EML6: variants seen among roughly 807,000 people sequenced by gnomAD.
EML6 encodes the protein EMAP like 6, also known as echinoderm microtubule-associated protein-like 6.
Under a neutral mutation model 240.1 loss-of-function variants are expected in EML6, and 154 were observed. The observed-to-expected ratio is 0.64, with a 90% confidence interval of 0.56 to 0.73. The LOEUF (loss-of-function observed/expected upper bound fraction) is 0.73. Ranked by LOEUF, EML6 falls within the 30% of genes least tolerant of loss-of-function variation. The pLI, the probability that EML6 is intolerant of heterozygous loss-of-function variation, is 0.00. For synonymous variants in EML6, 1,148 were observed against 899.0 expected, an observed-to-expected ratio of 1.28 and a Z score of -4.95; for missense variants, 2,964 against 2,474.6, an observed-to-expected ratio of 1.20 and a Z score of -4.20.
chr2:54,787,231 G>A lies in EML6; in HGVS notation c.198-26001G>A, dbSNP rs533129785. ...ATGCTCTCATTTTCCCATCAATATC[G>A]TTTCATAGAAATACCTGACAAGGCT... On this transcript the variant is annotated intron_variant, in intron 2 of 41. Transcript: ENST00000356458. Among the ~76,000 whole-genome samples, 7 of 152,110 alleles carry A rather than the reference G, an allele frequency of 4.6e-5. No homozygotes were observed. The East Asian group carries it at 9.7e-4, about 21-fold the overall frequency.
chr2:54,842,954 A>T (rs1422974727), intron 7 of EML6, among the ~76,000 whole-genome samples: 1 of 152,218 alleles, frequency 6.6e-6, no homozygotes, highest in African/African-American at 2.4e-5. Context: ...TTTCATTTGC[A>T]TATTTCTGAG....
In EML6 at chr2:54,916,805, C is replaced by T. The variant is rs1034340773; in HGVS notation, c.3545C>T (p.Thr1182Ile). The T allele has an allele frequency of 3.9e-6, 6 of 1,545,574 alleles. No individual in the cohort carries two copies. Among genetic ancestry groups the T allele is most frequent in the Middle Eastern group, 1.7e-4 (1 of 5,970 alleles). The part of the protein sequence containing the change: ...WDTWTCVLGP[T>I]CEGIWPAHSD... Reference sequence around the variant, plus strand: ...ACATGGACCTGTGTCCTGGGGCCCACCTGTGAGGGAATCTGGCCAGCACAT... The same window carrying T: ...ACATGGACCTGTGTCCTGGGGCCCATCTGTGAGGGAATCTGGCCAGCACAT... The change falls in exon 26 of 42, where the codon ACC becomes ATC. Residue 1182 changes from threonine (T) to isoleucine (I), a missense_variant. Physicochemically the swap from Thr to Ile is moderately conservative, Grantham distance 89. Transcript: ENST00000356458.
At chr2:54,735,775 T>G (rs571904155) in intron 2 of EML6, among the ~76,000 whole-genome samples, 1 of 152,242 alleles carries the variant, frequency 6.6e-6, no homozygotes, top group Non-Finnish European at 1.5e-5. Flanking sequence ...AAGCAACTTT[T>G]GAAAATCTGT....
intron 2 of EML6, among the ~76,000 whole-genome samples, chr2:54,803,199 C>T (rs1335563244): frequency 6.6e-6 from 1 of 152,194 alleles, no homozygotes; most frequent in Non-Finnish European, 1.5e-5. Context: ...TCCGTGTGAG[C>T]TGCCATAGTG....
intron 28 of EML6, among the ~76,000 whole-genome samples, chr2:54,944,629 C>A (rs919863093): frequency 1.3e-5 from 2 of 152,076 alleles, no homozygotes; most frequent in African/African-American, 4.8e-5. Context: ...GACGATATCC[C>A]CATTTTTTAA....
chr2:54,813,534 T>C, intron 3 of EML6, 143 bp downstream of exon 3: 4 of 752,672 alleles, frequency 5.3e-6, no homozygotes, highest in Non-Finnish European at 8.6e-6. Context: ...CACCTGTTTT[T>C]TCCCCTTTAA....
In EML6 at chr2:54,957,927, T is replaced by G. The variant is rs1676309572; in HGVS notation, c.4624T>G (p.Tyr1542Asp). The G allele has an allele frequency of 1.3e-6, 2 of 1,551,558 alleles. No individual in the cohort carries two copies. ...FWTLAGSALLYKKGVIGSLGA... is the reference protein window; with the variant it reads ...FWTLAGSALLDKKGVIGSLGA... ...GACCCTGGCAGGCAGCGCCTTGCTTTACAAGAAAGGGGTCATCGGGTCCCT... is the reference window on the plus strand; with the variant it reads ...GACCCTGGCAGGCAGCGCCTTGCTTGACAAGAAAGGGGTCATCGGGTCCCT... The change falls in exon 33 of 42, where the codon TAC (tyrosine) becomes GAC (aspartate). Residue 1542 changes from tyrosine to aspartate, a missense_variant. Physicochemically the swap from Tyr to Asp is radical, Grantham distance 160 (BLOSUM62 -3). Coordinates refer to ENST00000356458, the MANE Select transcript of EML6 (RefSeq NM_001039753.4).
At chr2:54,834,292 T>C (rs948477987) in intron 7 of EML6, among the ~76,000 whole-genome samples, 1 of 152,196 alleles carries the variant, frequency 6.6e-6, no homozygotes, top group African/African-American at 2.4e-5. Context: ...GTCTGATCAC[T>C]TTTAAAACAC....
intron 26 of EML6, among the ~76,000 whole-genome samples, chr2:54,923,814 C>T (rs1674396262): frequency 6.6e-6 from 1 of 152,172 alleles, no homozygotes. Context: ...CTCCCTCCCT[C>T]AGCTGAAACA....
chr2:54,898,448 T>A (rs1267828364), intron 21 of EML6, among the ~76,000 whole-genome samples: 1 of 152,128 alleles, frequency 6.6e-6, no homozygotes, highest in Non-Finnish European at 1.5e-5. Context: ...TGACTGTGAC[T>A]CTGGGGCTGG....
At chr2:54,907,926 AGATAGATAGATAGATAGATAAGAT>A (rs1378115109) in intron 24 of EML6, among the ~76,000 whole-genome samples, 23 of 53,036 alleles carry the variant, frequency 4.3e-4, no homozygotes, top group Middle Eastern at 0.011. Flanking sequence ...ATAGATAGAT[AGATAGATAGATAGATAGATAAGAT>A]AGATAGATAG....
intron 24 of EML6, among the ~76,000 whole-genome samples, chr2:54,905,028 A>G (rs1000696222): frequency 1.3e-5 from 2 of 152,172 alleles, no homozygotes; most frequent in Non-Finnish European, 2.9e-5. Flanking sequence ...CATTGCATTT[A>G]TAAAAGGTAC....
At chr2:54,788,424 G>A (rs1205471334) in intron 2 of EML6, among the ~76,000 whole-genome samples, 1 of 152,214 alleles carries the variant, frequency 6.6e-6, no homozygotes, top group African/African-American at 2.4e-5. Flanking sequence ...CGAGTTTTCT[G>A]TGAGAGGGGC....
At chr2:54,779,556 A>G (rs1668754490) in intron 2 of EML6, among the ~76,000 whole-genome samples, 1 of 149,190 alleles carries the variant, frequency 6.7e-6, no homozygotes, top group Non-Finnish European at 1.5e-5. Flanking sequence ...CAAAAAAAAA[A>G]AAAAAAAAGA....
At chr2:54,919,196 G>A (rs1674088101) in intron 26 of EML6, among the ~76,000 whole-genome samples, 1 of 151,138 alleles carries the variant, frequency 6.6e-6, no homozygotes, top group African/African-American at 2.4e-5. Context: ...CAGTTCATGT[G>A]AAGCCACCTG....
At chr2:54,895,083 G>T (rs1419709592) in intron 20 of EML6, 57 bp downstream of exon 20, 9 of 1,412,222 alleles carry the variant, frequency 6.4e-6, no homozygotes, top group Non-Finnish European at 8.8e-6. Context: ...GGAGAAGATT[G>T]TACTAAAGTT....
chr2:54,823,872 CTCTCTTTCTG>C (rs769468148), intron 5 of EML6, among the ~76,000 whole-genome samples: 64 of 149,384 alleles, frequency 4.3e-4, no homozygotes, highest in African/African-American at 1.6e-3. Context: ...CTCTCTCTCT[CTCTCTTTCTG>C]TCTCTCTCTC....
Position 54,964,662 on chromosome 2 carries a change from A to G in EML6, c.5422A>G (p.Ile1808Val). Residue 1808 changes from isoleucine (I) to valine (V), a missense_variant, in exon 38 of 42, where the codon ATT becomes GTT. By Grantham distance (29) the Ile-to-Val change is conservative. Coordinates refer to ENST00000356458, the MANE Select transcript of EML6 (RefSeq NM_001039753.4). Reference sequence around the variant, plus strand: ...CACTCAGGGCACAAATCTGAACCGCATTGGCTACTGCAAAGATATCCCAAG... The same window carrying G: ...CACTCAGGGCACAAATCTGAACCGCGTTGGCTACTGCAAAGATATCCCAAG... ...DLTQGTNLNRIGYCKDIPSFV... is the reference protein window; with the variant it reads ...DLTQGTNLNRVGYCKDIPSFV... 1.3e-6 allele frequency: 2 copies of G among 1,552,356 alleles called. No individual in the cohort carries two copies. The highest frequency in any genetic ancestry group is 1.7e-6 in the Non-Finnish European group (2 of 1,147,120).
intron 5 of EML6, among the ~76,000 whole-genome samples, chr2:54,821,010 T>C (rs1363399537): frequency 6.6e-6 from 1 of 152,128 alleles, no homozygotes; most frequent in African/African-American, 2.4e-5. Context: ...TGTTCACAAG[T>C]AACAAAATTA....
Sources: gnomAD v4.1 joint callset for allele counts (sites outside exome capture counted in the v4.1 genomes callset) on GRCh38, gnomAD v4.1.1 for gene constraint, MANE v1.5 for transcripts, NCBI Gene and HGNC (gene_info 2026-07-23, HGNC 2026-07-21) for gene names.